The following AGRN variants were observed in gnomAD, a reference collection of about 807,000 sequenced individuals.
The protein encoded by AGRN is agrin proteoglycan.
A neutral mutation model predicts 211.0 loss-of-function variants in AGRN; 106 were observed. The observed-to-expected ratio is 0.50, with a 90% CI of 0.43 to 0.59. The LOEUF is 0.59. Among genes scored for constraint, AGRN ranks in the 20% least tolerant of loss-of-function variants. The pLI is 0.00. For missense variants in AGRN, 3,040 were observed against 2,982.6 expected (o/e 1.02, Z -0.45); for synonymous variants, 1,525 against 1,332.5 (o/e 1.14, Z -3.15).
At chr1:1,026,700 C>G (rs1209915417) in intron 2 of AGRN, among the ~76,000 whole-genome samples, 4 of 152,106 alleles carry the variant, frequency 2.6e-5, no homozygotes, top group Non-Finnish European at 5.9e-5. Flanking sequence ...CCCCGAAGCC[C>G]AGCGGGGCTG....
intron 2 of AGRN, among the ~76,000 whole-genome samples, chr1:1,024,974 G>A (rs921601094): frequency 9.2e-5 from 14 of 152,186 alleles, no homozygotes; most frequent in Non-Finnish European, 1.0e-4. Flanking sequence ...CTGAGCGGGC[G>A]ACTCCTCCGG....
chr1:1,051,173 G>T, intron 30 of AGRN, 80 bp from the exon 31 acceptor site: 1 of 1,511,526 alleles, frequency 6.6e-7, no homozygotes. Flanking sequence ...GGCGGGTGGG[G>T]CGGGTGCGTG....
intron 2 of AGRN, among the ~76,000 whole-genome samples, chr1:1,025,269 C>T (rs895849276): frequency 6.6e-6 from 1 of 152,160 alleles, no homozygotes; most frequent in Non-Finnish European, 1.5e-5. Flanking sequence ...GGGGTCCCGG[C>T]GGCCTAGTCC....
rs147153797 is a variant in AGRN, at chr1:1,046,079, C to T, written c.2796C>T (p.Asn932=). The part of the protein sequence containing the change: ...VCPMLTCPEA[N]ATKVCGSDGV... ...CGATGCTCACCTGTCCAGAGGCCAA[C>T]GCTACCAAGGTGAGGGGTGTGGGAT... The change falls in exon 16 of 36, where the codon AAC becomes AAT. Residue 932 remains asparagine (N), a synonymous_variant. Transcript: ENST00000379370. 663 of 1,614,046 alleles carry T rather than the reference C, an allele frequency of 4.1e-4. 5 individuals are homozygous for T. In the Middle Eastern group the frequency reaches 0.013, roughly 32 times the overall value.
At chr1:1,039,547 C>T (rs1379446002) in intron 3 of AGRN, among the ~76,000 whole-genome samples, 3 of 151,478 alleles carry the variant, frequency 2.0e-5, no homozygotes, top group African/African-American at 7.3e-5. Context: ...CAGCCGCTAA[C>T]GGACCCTTCC....
intron 24 of AGRN, 21 bp downstream of exon 24, chr1:1,049,080 G>A (rs1482634927): frequency 2.7e-6 from 4 of 1,466,152 alleles, no homozygotes; most frequent in Non-Finnish European, 3.6e-6. Flanking sequence ...AGGGGACGGG[G>A]CCGGGGCAGC....
In AGRN at chr1:1,048,888, C is replaced by T. The variant is rs780093231; in HGVS notation, c.4127C>T (p.Ala1376Val). The T allele has an allele frequency of 1.9e-6, 3 of 1,543,194 alleles. No individual in the cohort carries two copies. Among genetic ancestry groups the T allele is most frequent in the South Asian group, 2.4e-5 (2 of 84,152 alleles). The change falls in exon 24 of 36, where the codon GCC becomes GTC. Residue 1376 changes from alanine to valine, a missense_variant. This residue lies in a region of AGRN where 1,537 missense variants were observed against 1,505.0 expected (regional missense o/e 1.02). Coordinates refer to ENST00000379370, the MANE Select transcript of AGRN (RefSeq NM_198576.4). This position sits in a 1 kb window ranked among gnomAD's most constrained non-coding sequence, Gnocchi z 5.9. ...GCAGTGCTTGGCGCCCCTGTGCCGG[C>T]CTTCGAGGGCCGCTCCTTCCTGGCC... ...CEKVLGAPVP[A>V]FEGRSFLAFP...
In AGRN at chr1:1,043,930, G is replaced by C. The variant is rs1042435801; in HGVS notation, c.1906G>C (p.Gly636Arg). The C allele has an allele frequency of 1.9e-6, 3 of 1,609,118 alleles. No individual in the cohort carries two copies. The highest frequency in any genetic ancestry group is 3.3e-5 in the Admixed American group (2 of 59,890). ...GCCCGGCCCCGTGTGTGGCAGCGACGGTGTCACCTACGGCAGTGCCTGCGA... is the reference window on the plus strand; with the variant it reads ...GCCCGGCCCCGTGTGTGGCAGCGACCGTGTCACCTACGGCAGTGCCTGCGA... The part of the protein sequence containing the change: ...PPPGPVCGSD[G>R]VTYGSACELR... The change falls in exon 10 of 36, where the codon GGT (glycine) becomes CGT (arginine). Residue 636 changes from glycine to arginine, a missense_variant. Around this residue, in one of 3 missense-constraint regions of AGRN, gnomAD observed 1,498 missense variants for 1,457.8 expected, o/e 1.03. Transcript: ENST00000379370.
Position 1,046,056 on chromosome 1 carries a change from A to G in AGRN, c.2773A>G (p.Met925Val), listed in dbSNP as rs1645082566. The G allele has an allele frequency of 6.2e-7, 1 of 1,613,842 alleles. No homozygotes were observed. The highest frequency in any genetic ancestry group is 8.5e-7 in the Non-Finnish European group (1 of 1,179,998). Residue 925 changes from methionine (M) to valine (V), a missense_variant, in exon 16 of 36, where the codon ATG (methionine) becomes GTG (valine). Around this residue, in one of 3 missense-constraint regions of AGRN, gnomAD observed 1,498 missense variants for 1,457.8 expected, o/e 1.03. Transcript: ENST00000379370. ...ESGSAHCVCP[M>V]LTCPEANATK... is the part of the protein sequence containing the mutation. Reference sequence around the variant, plus strand: ...TGGCTCAGCCCACTGTGTCTGCCCGATGCTCACCTGTCCAGAGGCCAACGC... The same window carrying G: ...TGGCTCAGCCCACTGTGTCTGCCCGGTGCTCACCTGTCCAGAGGCCAACGC...
rs1645284842 is a variant in AGRN at position 1,051,383 on chromosome 1, G to C, written c.5370+14G>C. The C allele has an allele frequency of 1.3e-6, 2 of 1,556,238 alleles. No homozygotes were observed. Among genetic ancestry groups the C allele is most frequent in the Non-Finnish European group, 1.7e-6 (2 of 1,152,494 alleles). Reference sequence around the variant, plus strand: ...GCCATCCAGCTGGTATGTGGGGGCGGGGCGTCCCAGCAGGGCCTCCGGGGC... The same window carrying C: ...GCCATCCAGCTGGTATGTGGGGGCGCGGCGTCCCAGCAGGGCCTCCGGGGC... On this transcript the variant is annotated intron_variant, in intron 31 of 35. Transcript: ENST00000379370.
Position 1,049,360 on chromosome 1 carries a change from C to A in AGRN, c.4423C>A (p.Pro1475Thr). The change falls in exon 25 of 36, where the codon CCT (proline) becomes ACT (threonine). Residue 1475 changes from proline (P) to threonine (T), a missense_variant. By Grantham distance (38) the Pro-to-Thr change is conservative (BLOSUM62 -1). Around this residue, in one of 3 missense-constraint regions of AGRN, gnomAD observed 1,537 missense variants for 1,505.0 expected, o/e 1.02. Transcript: ENST00000379370. ...RGTLSVDGETPVLGESPSGTD... is the reference protein window; with the variant it reads ...RGTLSVDGETTVLGESPSGTD... ...CACCCTCTCGGTGGATGGTGAGACCCCTGTTCTGGGCGAGAGTCCCAGTGG... is the reference window on the plus strand; with the variant it reads ...CACCCTCTCGGTGGATGGTGAGACCACTGTTCTGGGCGAGAGTCCCAGTGG... 1 of 1,598,212 alleles carries A rather than the reference C, an allele frequency of 6.3e-7. No homozygotes were observed. Among genetic ancestry groups the A allele is most frequent in the Non-Finnish European group, 8.5e-7 (1 of 1,179,566 alleles).
Position 1,055,373 on chromosome 1 carries a change from A to C in AGRN, c.*392A>C. ...TGGGGCCCTTCCTCCGGGTGACCCC[A>C]CAGGGCCTTTCCAAGCCCCCATTTG... is the stretch of plus-strand genomic sequence containing the variant. On this transcript the variant is annotated 3_prime_UTR_variant, in exon 36 of 36. Transcript: ENST00000379370. The C allele has an allele frequency of 2.8e-6, 1 of 354,110 alleles. No homozygotes were observed. Among genetic ancestry groups the C allele is most frequent in the South Asian group, 2.3e-5 (1 of 44,042 alleles). The allele number at this position is 354,110 out of a possible 1,614,324, so 21.9% of individuals were successfully genotyped here.
rs1490186105 is a variant in AGRN at position 1,051,470 on chromosome 1, C to T, written c.5388C>T (p.Arg1796=). The change falls in exon 32 of 36, where the codon CGC becomes CGT. Residue 1796 remains arginine, a synonymous_variant. Transcript: ENST00000379370. ...GAIQLVSLGG[R]QLLTPEHVLR... Reference sequence around the variant, plus strand: ...CCCTGCAGGTCTCCCTCGGAGGCCGCCAGCTGCTGACCCCGGAGCACGTGC... The same window carrying T: ...CCCTGCAGGTCTCCCTCGGAGGCCGTCAGCTGCTGACCCCGGAGCACGTGC... 1 of 1,564,486 alleles carries T rather than the reference C, an allele frequency of 6.4e-7. No individual in the cohort carries two copies. Among genetic ancestry groups the T allele is most frequent in the Non-Finnish European group, 8.6e-7 (1 of 1,159,598 alleles).
At position 1,050,173 on chromosome 1, in the gene AGRN, G is replaced by C; in HGVS notation, c.4880-60G>C. The C allele has an allele frequency of 3.7e-6, 6 of 1,601,812 alleles. No individual in the cohort carries two copies. The South Asian group carries it at 6.6e-5, about 18-fold the overall frequency. ...TTTGAGTTAGGATCCACACACGGCT[G>C]GCATGGGGTGCAGGAGGCCCCGGGG... On this transcript the variant is annotated intron_variant, in intron 27 of 35. Transcript: ENST00000379370.
Position 1,041,213 on chromosome 1 carries a change from C to T in AGRN, c.768C>T (p.Gly256=). The change falls in exon 5 of 36, where the codon GGC becomes GGT. Residue 256 remains glycine (G), a synonymous_variant. Transcript: ENST00000379370. ...DPCSNVTCSF[G]STCARSADGL... is the part of the protein sequence containing the mutation. Reference sequence around the variant, plus strand: ...GCTCCAACGTGACCTGCAGCTTCGGCAGCACCTGTGCGCGCTCGGCCGACG... The same window carrying T: ...GCTCCAACGTGACCTGCAGCTTCGGTAGCACCTGTGCGCGCTCGGCCGACG... 1 of 1,472,062 alleles carries T rather than the reference C, an allele frequency of 6.8e-7. No homozygotes were observed. Among genetic ancestry groups the T allele is most frequent in the Non-Finnish European group, 8.9e-7 (1 of 1,117,766 alleles). The allele number at this position is 1,472,062 out of a possible 1,614,324, so 91.2% of individuals were successfully genotyped here.
In AGRN at chr1:1,047,949, C is replaced by G. The variant is rs1645148809; in HGVS notation, c.3751+54C>G. 3 of 1,584,058 alleles carry G rather than the reference C, an allele frequency of 1.9e-6. No homozygotes were observed. The Admixed American group carries it at 5.4e-5, about 28-fold the overall frequency. The stretch of plus-strand genomic sequence containing the variant: ...ACCTGCCCCCTCCTCTGCCCATGCC[C>G]CTGCCCCTCACCCCTTCCTGGCCCT... On this transcript the variant is annotated intron_variant, in intron 22 of 35. Coordinates refer to ENST00000379370, the MANE Select transcript of AGRN (RefSeq NM_198576.4).
chr1:1,045,557 A>G, intron 14 of AGRN, 34 bp downstream of exon 14: 1 of 1,610,220 alleles, frequency 6.2e-7, no homozygotes, highest in Non-Finnish European at 8.5e-7. Context: ...GCCACCGGCT[A>G]TGCCCTCCTA....
At position 1,050,774 on chromosome 1, in the gene AGRN, G is replaced by C; in HGVS notation, c.5190G>C (p.Glu1730Asp). The change falls in exon 30 of 36, where the codon GAG becomes GAC. Residue 1730 changes from glutamate (E) to aspartate (D), a missense_variant. Around this residue, in one of 3 missense-constraint regions of AGRN, gnomAD observed 1,537 missense variants for 1,505.0 expected, o/e 1.02. Coordinates refer to ENST00000379370, the MANE Select transcript of AGRN (RefSeq NM_198576.4). The part of the protein sequence containing the change: ...TLGAWTRVSL[E>D]RNGRKGALRV... ...GAGCCTGGACCAGGGTCTCACTGGAGCGAAACGGCCGCAAGGGTGCCCTGC... is the reference window on the plus strand; with the variant it reads ...GAGCCTGGACCAGGGTCTCACTGGACCGAAACGGCCGCAAGGGTGCCCTGC... The C allele has an allele frequency of 6.2e-7, 1 of 1,603,154 alleles. No homozygotes were observed.
rs141487918 is a variant in AGRN at position 1,047,961 on chromosome 1, C to G, written c.3752-51C>G. 3.2e-6 allele frequency: 5 copies of G among 1,572,180 alleles called. No homozygotes were observed. In the Admixed American group the frequency reaches 9.2e-5, roughly 29 times the overall value. ...CTCTGCCCATGCCCCTGCCCCTCAC[C>G]CCTTCCTGGCCCTGCTCCCAGGAAA... is the stretch of plus-strand genomic sequence containing the variant. On this transcript the variant is annotated intron_variant, in intron 22 of 35. Coordinates refer to ENST00000379370, the MANE Select transcript of AGRN (RefSeq NM_198576.4).
Sources: gnomAD v4.1 joint callset for allele counts (sites outside exome capture counted in the v4.1 genomes callset) on GRCh38, gnomAD v4.1.1 for gene constraint, gnomAD v4.1.1 regional missense constraint, Gnocchi (gnomAD v3.1) non-coding constraint, MANE v1.5 for transcripts, NCBI Gene and HGNC (gene_info 2026-07-23, HGNC 2026-07-21) for gene names.